Variants in PCTP observed in about 807,000 individuals in gnomAD.
PCTP encodes START domain-containing protein 2.
A neutral mutation model predicts 31.0 loss-of-function variants in PCTP; 27 were observed. The observed-to-expected ratio is 0.87, with a 90% CI of 0.64 to 1.20. The LOEUF is 1.20. Ranked by LOEUF, PCTP falls within the 50% of genes most tolerant of loss-of-function variation. The pLI, the probability that PCTP is intolerant of heterozygous loss-of-function variation, is 0.00. For missense variants in PCTP, 287 were observed against 268.2 expected, an observed-to-expected ratio of 1.07 and a Z score of -0.49; for synonymous variants, 108 against 101.2, an observed-to-expected ratio of 1.07 and a Z score of -0.40.
rs1199457297 is a variant in PCTP, at chr17:55,751,240, A to G, written c.137A>G (p.Asp46Gly). 3 of 1,540,314 alleles carry G rather than the reference A, an allele frequency of 1.9e-6. No homozygotes were observed. Among genetic ancestry groups the G allele is most frequent in the Non-Finnish European group, 2.6e-6 (3 of 1,142,044 alleles). The change falls in exon 1 of 6, where the codon GAC (aspartate) becomes GGC (glycine). Residue 46 changes from aspartate to glycine, a missense_variant. Transcript: ENST00000268896. ...TSGISIYRLLDKKTGLYEYKV... is the reference protein window; with the variant it reads ...TSGISIYRLLGKKTGLYEYKV... ...GGCATCAGCATCTACCGGCTGCTGG[A>G]CAAGGTAGCGGCCAACCCGCTGGAG...
chr17:55,834,935 T>C (rs1361740162), intron 5 of PCTP, among the ~76,000 whole-genome samples: 1 of 152,158 alleles, frequency 6.6e-6, no homozygotes, highest in Admixed American at 6.5e-5. Flanking sequence ...AGAATAGGGT[T>C]ATTGCAGATG....
intron 3 of PCTP, among the ~76,000 whole-genome samples, chr17:55,799,637 G>T (rs1245059534): frequency 6.6e-6 from 1 of 152,042 alleles, no homozygotes; most frequent in Non-Finnish European, 1.5e-5. Context: ...TAGTTATTTT[G>T]CACATTAGTT....
intron 3 of PCTP, among the ~76,000 whole-genome samples, chr17:55,816,285 A>G (rs9894523): frequency 0.047 from 7,223 of 152,256 alleles, 544 homozygotes; most frequent in African/African-American, 0.16. Flanking sequence ...CAGGTCTAGG[A>G]AACCACTAAT....
chr17:55,753,942 G>A (rs886291608), intron 1 of PCTP, among the ~76,000 whole-genome samples: 20 of 152,194 alleles, frequency 1.3e-4, no homozygotes, highest in African/African-American at 4.8e-4. Context: ...ACCGTCTTAG[G>A]AGGGTGAGTC....
chr17:55,829,384 C>T (rs995526569), intron 5 of PCTP, among the ~76,000 whole-genome samples: 1 of 152,038 alleles, frequency 6.6e-6, no homozygotes, highest in African/African-American at 2.4e-5. Context: ...GATCTCGGCT[C>T]ACTGCAACCT....
intron 4 of PCTP, 70 bp downstream of exon 4, chr17:55,773,965 G>T (rs1016186316): frequency 1.4e-6 from 2 of 1,472,448 alleles, no homozygotes; most frequent in African/African-American, 1.4e-5. Flanking sequence ...CTGATGGGGG[G>T]ACATGTCGAG....
chr17:55,810,313 G>A (rs1912708384), intron 3 of PCTP, among the ~76,000 whole-genome samples: 2 of 152,200 alleles, frequency 1.3e-5, no homozygotes, highest in Non-Finnish European at 2.9e-5. Flanking sequence ...CATGGTGCCT[G>A]GCCGAGCAAA....
chr17:55,832,760 T>G (rs1378334413), intron 5 of PCTP, among the ~76,000 whole-genome samples: 2 of 152,234 alleles, frequency 1.3e-5, no homozygotes, highest in African/African-American at 4.8e-5. Flanking sequence ...TTCGATGGGC[T>G]AAAACAATTT....
chr17:55,768,175 A>G (rs1350678135), intron 2 of PCTP, among the ~76,000 whole-genome samples: 1 of 152,108 alleles, frequency 6.6e-6, no homozygotes, highest in Non-Finnish European at 1.5e-5. Flanking sequence ...CTTCCTATTA[A>G]ATTTTGGCAC....
chr17:55,795,372 A>C (rs775969349), intron 3 of PCTP, among the ~76,000 whole-genome samples: 15 of 152,032 alleles, frequency 9.9e-5, no homozygotes, highest in Admixed American at 2.0e-4. Flanking sequence ...TTATTCATAG[A>C]GCATGTGGGG....
intron 2 of PCTP, among the ~76,000 whole-genome samples, chr17:55,787,027 ATGTGTGTGTG>A (rs145447335): frequency 7.4e-5 from 11 of 147,788 alleles, no homozygotes; most frequent in Non-Finnish European, 1.4e-4. Context: ...ATGTGTGAGC[ATGTGTGTGTG>A]TGTGTGTGTG....
chr17:55,767,601 A>G (rs984537458), intron 2 of PCTP, 149 bp downstream of exon 2: 6 of 478,268 alleles, frequency 1.3e-5, no homozygotes, highest in Non-Finnish European at 2.2e-5. Flanking sequence ...AGTAGCTGGG[A>G]CTACAGGCGC....
At chr17:55,841,790 CA>C (rs1359572467) in intron 5 of PCTP, among the ~76,000 whole-genome samples, 1 of 152,270 alleles carries the variant, frequency 6.6e-6, no homozygotes, top group South Asian at 2.1e-4. Flanking sequence ...ATACAGAAAT[CA>C]TTGTTTCTAG....
intron 2 of PCTP, 26 bp downstream of exon 2, chr17:55,767,478 T>G (rs774614322): frequency 6.7e-7 from 1 of 1,491,968 alleles, no homozygotes. Flanking sequence ...TTTTCTTTTT[T>G]TTTTAGACGT....
intron 3 of PCTP, among the ~76,000 whole-genome samples, chr17:55,820,633 A>T (rs1363748031): frequency 6.6e-6 from 1 of 152,248 alleles, no homozygotes; most frequent in East Asian, 1.9e-4. Context: ...GAGGAAACAC[A>T]TTCAGGCTAC....
At chr17:55,808,192 A>G (rs1912636646) in intron 3 of PCTP, among the ~76,000 whole-genome samples, 1 of 152,232 alleles carries the variant, frequency 6.6e-6, no homozygotes, top group Admixed American at 6.5e-5. Context: ...TTTGGAACCC[A>G]AGTCTTCAAG....
At chr17:55,783,062 A>G (rs1440670887) in intron 2 of PCTP, among the ~76,000 whole-genome samples, 1 of 152,122 alleles carries the variant, frequency 6.6e-6, no homozygotes, top group Non-Finnish European at 1.5e-5. Context: ...AATGCCTGAA[A>G]GATAGGTCCA....
chr17:55,776,393 C>T lies in PCTP; in HGVS notation c.*293C>T. 8.0e-7 allele frequency: 1 copy of T among 1,257,596 alleles called. No individual in the cohort carries two copies. The highest frequency in any genetic ancestry group is 1.0e-6 in the Non-Finnish European group (1 of 1,003,620). 77.9% of individuals were successfully genotyped at this position (1,257,596 alleles called of 1,614,324 possible). A position where few individuals can be genotyped will look rare whatever the true frequency, so the allele number is the denominator to read the frequency against. On this transcript the variant is annotated 3_prime_UTR_variant, in exon 6 of 6. Coordinates refer to ENST00000268896, the MANE Select transcript of PCTP (RefSeq NM_021213.4). ...TCAATATGGGGCAGACTAGGGAAAC[C>T]TTTGCTTGCTTACTATTAGGAGGGG...
At chr17:55,842,923 G>A (rs1218818136), downstream of PCTP, 3 of 152,154 alleles carry the variant, frequency 2.0e-5, no homozygotes, top group Admixed American at 1.3e-4. Flanking sequence ...AAGCACATGT[G>A]GTGTGACGGT....
Sources: allele counts gnomAD v4.1 joint callset (sites outside exome capture counted in the v4.1 genomes callset), GRCh38; gene constraint gnomAD v4.1.1; transcripts MANE v1.5; gene names NCBI Gene and HGNC (gene_info 2026-07-23, HGNC 2026-07-21).